Variants in MAP2K4 observed in about 807,000 individuals in gnomAD.
MAP2K4 encodes the protein dual specificity mitogen-activated protein kinase kinase 4.
Under a neutral mutation model 48.5 loss-of-function variants are expected in MAP2K4, and 4 were observed. The ratio of observed to expected loss-of-function variants is 0.08; its 90% CI spans 0.04 to 0.19. MAP2K4 has a LOEUF of 0.19. Ranked by LOEUF, MAP2K4 falls within the 10% of genes least tolerant of loss-of-function variation. The pLI, the probability that MAP2K4 is intolerant of heterozygous loss-of-function variation, is 1.00. For synonymous variants in MAP2K4, 166 were observed against 173.1 expected (o/e 0.96, Z 0.32); for missense variants, 258 against 493.3 (o/e 0.52, Z 4.52).
chr17:12,089,822 C>T (rs908579862), intron 3 of MAP2K4, among the ~76,000 whole-genome samples: 1 of 152,188 alleles, frequency 6.6e-6, no homozygotes, highest in Non-Finnish European at 1.5e-5. Context: ...ACATCTCATT[C>T]CTCCATGCAT....
intron 7 of MAP2K4, among the ~76,000 whole-genome samples, chr17:12,122,886 AGAT>A (rs1972735697): frequency 6.6e-6 from 1 of 152,166 alleles, no homozygotes; most frequent in Non-Finnish European, 1.5e-5. Flanking sequence ...ACATTTATTG[AGAT>A]GATCACATTA....
At chr17:12,124,126 A>G (rs556273881) in intron 7 of MAP2K4, among the ~76,000 whole-genome samples, 41 of 152,330 alleles carry the variant, frequency 2.7e-4, no homozygotes, top group African/African-American at 9.1e-4. Context: ...GCAGCACAGT[A>G]CTCATGCTCA....
At chr17:12,042,333 C>T (rs1969815149) in intron 1 of MAP2K4, among the ~76,000 whole-genome samples, 1 of 152,024 alleles carries the variant, frequency 6.6e-6, no homozygotes, top group African/African-American at 2.4e-5. Flanking sequence ...ACAGTTATTA[C>T]AGGTAAAGTG....
At chr17:12,046,285 C>A (rs576803433) in intron 1 of MAP2K4, among the ~76,000 whole-genome samples, 47 of 152,284 alleles carry the variant, frequency 3.1e-4, no homozygotes, top group African/African-American at 1.1e-3. Context: ...CTCTTAGGTT[C>A]CCATGAAGTC....
intron 7 of MAP2K4, chr17:12,116,020 A>G (rs1291925919): frequency 5.4e-6 from 2 of 367,690 alleles, no homozygotes; most frequent in Non-Finnish European, 1.1e-5. Context: ...AAAAAACCAA[A>G]TGACCGCACT....
At chr17:12,025,751 GT>G (rs533986979) in intron 1 of MAP2K4, among the ~76,000 whole-genome samples, 148 of 152,236 alleles carry the variant, frequency 9.7e-4, no homozygotes, top group Non-Finnish European at 1.9e-3. Flanking sequence ...ATGTAATGAA[GT>G]ATATCTGTTA....
chr17:12,116,425 T>A (rs1016084444), intron 7 of MAP2K4, among the ~76,000 whole-genome samples: 5 of 152,066 alleles, frequency 3.3e-5, no homozygotes, highest in East Asian at 1.9e-4. Context: ...TTTATAAAAA[T>A]TTTTTTCTTC....
At chr17:12,045,921 G>A (rs1333221458) in intron 1 of MAP2K4, among the ~76,000 whole-genome samples, 1 of 152,198 alleles carries the variant, frequency 6.6e-6, no homozygotes, top group Non-Finnish European at 1.5e-5. Context: ...GCATCACATG[G>A]ATTTAAAAAT....
intron 3 of MAP2K4, among the ~76,000 whole-genome samples, chr17:12,082,571 A>G (rs981352159): frequency 6.6e-6 from 1 of 152,230 alleles, no homozygotes; most frequent in African/African-American, 2.4e-5. Flanking sequence ...ATTAAAATAA[A>G]ATGCTTTCTG....
rs1486309168 is a variant in MAP2K4, at chr17:12,095,658, A to G, written c.477A>G (p.Pro159=). 2 of 1,614,020 alleles carry G rather than the reference A, an allele frequency of 1.2e-6. No individual in the cohort carries two copies. The highest frequency in any genetic ancestry group is 1.7e-5 in the Admixed American group (1 of 60,024). ...TAGTAATGCGGAGTAGTGATTGCCC[A>G]TACATTGTTCAGTTTTATGGTGCAC... ...LDVVMRSSDC[P]YIVQFYGALF... is the part of the protein sequence containing the mutation. Residue 159 remains proline, a synonymous_variant, in exon 4 of 11, where the codon CCA becomes CCG. Coordinates refer to ENST00000353533, the MANE Select transcript of MAP2K4 (RefSeq NM_003010.4).
chr17:12,084,254 G>T (rs1235900415), intron 3 of MAP2K4, among the ~76,000 whole-genome samples: 2 of 152,182 alleles, frequency 1.3e-5, no homozygotes, highest in Non-Finnish European at 2.9e-5. Flanking sequence ...AGGTAACATT[G>T]TAAGAGTTAT....
chr17:12,042,939 C>T (rs558120886), intron 1 of MAP2K4, among the ~76,000 whole-genome samples: 35 of 151,436 alleles, frequency 2.3e-4, no homozygotes, highest in African/African-American at 8.0e-4. Context: ...CCCAGCTACT[C>T]GGGAGGCTGA....
At chr17:12,095,437 A>G (rs898544170) in intron 3 of MAP2K4, 138 bp from the exon 4 acceptor site, 1 of 868,584 alleles carries the variant, frequency 1.2e-6, no homozygotes, top group African/African-American at 1.7e-5. Context: ...GAAAGATGAT[A>G]ATTTTCATAT....
intron 6 of MAP2K4, 56 bp from the exon 7 acceptor site, chr17:12,113,177 C>T: frequency 6.4e-7 from 1 of 1,559,184 alleles, no homozygotes; most frequent in Non-Finnish European, 8.8e-7. Flanking sequence ...AAAGTGAAGC[C>T]TTATGTAACT....
At chr17:12,134,382 C>A (rs1367291992) in intron 9 of MAP2K4, among the ~76,000 whole-genome samples, 1 of 152,088 alleles carries the variant, frequency 6.6e-6, no homozygotes, top group African/African-American at 2.4e-5. Flanking sequence ...AATTTGAATT[C>A]CAGAAACGTT....
chr17:12,029,744 T>C (rs1005625581), intron 1 of MAP2K4, among the ~76,000 whole-genome samples: 3 of 151,896 alleles, frequency 2.0e-5, no homozygotes, highest in African/African-American at 4.8e-5. Context: ...GGGCAACATG[T>C]TGGGACTCCA....
chr17:12,131,656 T>C (rs1297343521), intron 9 of MAP2K4, among the ~76,000 whole-genome samples: 1 of 152,116 alleles, frequency 6.6e-6, no homozygotes, highest in Admixed American at 6.6e-5. Flanking sequence ...GGAGAATGTT[T>C]TCATTACGTT....
intron 9 of MAP2K4, among the ~76,000 whole-genome samples, chr17:12,137,098 C>T (rs1279015200): frequency 6.6e-6 from 1 of 151,996 alleles, no homozygotes; most frequent in Non-Finnish European, 1.5e-5. Context: ...TACTGGTGGC[C>T]CTGTGAAATA....
At chr17:12,109,992 T>G (rs970557054) in intron 5 of MAP2K4, among the ~76,000 whole-genome samples, 9 of 151,348 alleles carry the variant, frequency 5.9e-5, no homozygotes, top group African/African-American at 2.2e-4. Context: ...TAGCCAGGCA[T>G]GCATCTGTAG....
Sources: allele counts gnomAD v4.1 joint callset (sites outside exome capture counted in the v4.1 genomes callset), GRCh38; gene constraint gnomAD v4.1.1; transcripts MANE v1.5; gene names NCBI Gene and HGNC (gene_info 2026-07-23, HGNC 2026-07-21).